Variants in GBE1 observed in about 807,000 individuals in gnomAD.
GBE1 encodes 1,4-alpha-glucan branching enzyme 1.
A neutral mutation model predicts 88.8 loss-of-function variants in GBE1; 70 were observed. That is an observed-to-expected ratio of 0.79 (90% CI 0.65 to 0.96). GBE1 has a LOEUF of 0.96. Ranked by LOEUF, GBE1 falls within the 40% of genes least tolerant of loss-of-function variation. The pLI, the probability that GBE1 is intolerant of heterozygous loss-of-function variation, is 0.00. For synonymous variants in GBE1, 284 were observed against 300.1 expected (o/e 0.95, Z 0.56); for missense variants, 872 against 871.0 (o/e 1.00, Z -0.01).
intron 14 of GBE1, among the ~76,000 whole-genome samples, chr3:81,533,041 G>A (rs1049741707): frequency 3.9e-5 from 6 of 151,916 alleles, no homozygotes; most frequent in East Asian, 1.9e-4. Context: ...GACTTACGTC[G>A]CAGTTTGGGT....
intron 1 of GBE1, among the ~76,000 whole-genome samples, chr3:81,744,946 C>T (rs1327200786): frequency 6.6e-6 from 1 of 152,142 alleles, no homozygotes; most frequent in East Asian, 1.9e-4. Context: ...AAAAGAACTT[C>T]TTTGTCATAT....
intron 12 of GBE1, among the ~76,000 whole-genome samples, chr3:81,542,539 T>A (rs1703155873): frequency 6.6e-6 from 1 of 152,130 alleles, no homozygotes; most frequent in Admixed American, 6.6e-5. Context: ...ATGTATATGT[T>A]TAGGATTCTA....
chr3:81,672,100 C>T (rs934936307), intron 2 of GBE1, among the ~76,000 whole-genome samples: 4 of 151,914 alleles, frequency 2.6e-5, no homozygotes, highest in Non-Finnish European at 2.9e-5. Flanking sequence ...GATATCATTT[C>T]GCACTCAGGA....
intron 12 of GBE1, among the ~76,000 whole-genome samples, chr3:81,542,023 T>C (rs1703148699): frequency 6.6e-6 from 1 of 152,114 alleles, no homozygotes; most frequent in Non-Finnish European, 1.5e-5. Flanking sequence ...GTTTTTCTTT[T>C]GATAAACATT....
intron 3 of GBE1, among the ~76,000 whole-genome samples, chr3:81,663,650 G>T (rs1242887755): frequency 6.6e-6 from 1 of 152,114 alleles, no homozygotes; most frequent in African/African-American, 2.4e-5. Flanking sequence ...CAGGGCAGAG[G>T]GTCTAATTGA....
chr3:81,712,877 T>C (rs1224442077), intron 1 of GBE1, among the ~76,000 whole-genome samples: 5 of 152,162 alleles, frequency 3.3e-5, no homozygotes, highest in African/African-American at 1.2e-4. Flanking sequence ...TCACAGAAAC[T>C]TTCTTTCTTA....
At chr3:81,587,992 C>A (rs755149822) in intron 9 of GBE1, among the ~76,000 whole-genome samples, 2 of 152,094 alleles carry the variant, frequency 1.3e-5, no homozygotes, top group African/African-American at 4.8e-5. Context: ...GTACTTGTTA[C>A]GAGCTTTTCT....
At chr3:81,635,868 G>A (rs756622162) in intron 7 of GBE1, among the ~76,000 whole-genome samples, 1 of 152,136 alleles carries the variant, frequency 6.6e-6, no homozygotes, top group Non-Finnish European at 1.5e-5. Context: ...TTACCCAGCA[G>A]AACTGTCCTA....
At chr3:81,759,454 A>G (rs1485574258) in intron 1 of GBE1, among the ~76,000 whole-genome samples, 1 of 152,260 alleles carries the variant, frequency 6.6e-6, no homozygotes, top group Non-Finnish European at 1.5e-5. Context: ...GGATTATCAG[A>G]AATAAATGGA....
At chr3:81,750,625 A>G (rs1559708731) in intron 1 of GBE1, among the ~76,000 whole-genome samples, 6 of 63,396 alleles carry the variant, frequency 9.5e-5, no homozygotes, top group African/African-American at 5.2e-4. Context: ...ATGTATATAT[A>G]TATACGTATA....
intron 2 of GBE1, among the ~76,000 whole-genome samples, chr3:81,676,895 T>C (rs1449722316): frequency 6.6e-6 from 1 of 152,208 alleles, no homozygotes; most frequent in Non-Finnish European, 1.5e-5. Context: ...CACAGTTTAA[T>C]ATGAACTGCA....
At chr3:81,554,738 G>A (rs1263682253) in intron 12 of GBE1, among the ~76,000 whole-genome samples, 1 of 152,156 alleles carries the variant, frequency 6.6e-6, no homozygotes, top group Non-Finnish European at 1.5e-5. Context: ...TTGAATACTG[G>A]TATCATTCCA....
chr3:81,649,359 A>C (rs1186336933), intron 4 of GBE1, among the ~76,000 whole-genome samples: 2 of 152,110 alleles, frequency 1.3e-5, no homozygotes, highest in African/African-American at 2.4e-5. Flanking sequence ...ACAATCACAG[A>C]ACACTTGTCA....
At chr3:81,701,996 GA>G (rs1255220012) in intron 2 of GBE1, among the ~76,000 whole-genome samples, 3 of 144,630 alleles carry the variant, frequency 2.1e-5, no homozygotes, top group Non-Finnish European at 4.6e-5. Context: ...AAAAAAAAAA[GA>G]AAAAAAATCT....
intron 1 of GBE1, among the ~76,000 whole-genome samples, chr3:81,723,456 T>C (rs552290793): frequency 7.2e-5 from 11 of 152,058 alleles, no homozygotes; most frequent in Non-Finnish European, 1.5e-4. Context: ...CATATTTAAA[T>C]AAAAACTACC....
chr3:81,597,507 C>T (rs185880396), intron 7 of GBE1, among the ~76,000 whole-genome samples: 1 of 122,146 alleles, frequency 8.2e-6, no homozygotes, highest in Admixed American at 8.2e-5. Flanking sequence ...ATATATATAT[C>T]TCATTGGTCA....
chr3:81,592,075 A>C (rs571238172), intron 8 of GBE1, among the ~76,000 whole-genome samples: 3 of 152,248 alleles, frequency 2.0e-5, no homozygotes, highest in Admixed American at 6.5e-5. Flanking sequence ...ATTGGCATAC[A>C]TTGTGTACTG....
intron 14 of GBE1, among the ~76,000 whole-genome samples, chr3:81,520,265 T>C (rs1249075018): frequency 6.6e-6 from 1 of 151,552 alleles, no homozygotes; most frequent in East Asian, 1.9e-4. Flanking sequence ...CGGTGCCATT[T>C]TTCTAACAGT....
At chr3:81,726,873 C>T (rs904410186) in intron 1 of GBE1, among the ~76,000 whole-genome samples, 3 of 152,168 alleles carry the variant, frequency 2.0e-5, no homozygotes, top group African/African-American at 4.8e-5. Context: ...AGCCACCGTG[C>T]CCGGCTGATA....
Sources: gnomAD v4.1 joint callset for allele counts (sites outside exome capture counted in the v4.1 genomes callset) on GRCh38, gnomAD v4.1.1 for gene constraint, MANE v1.5 for transcripts, NCBI Gene and HGNC (gene_info 2026-07-23, HGNC 2026-07-21) for gene names.